Variants in CREB5 observed in about 807,000 individuals in gnomAD.
CREB5 encodes cyclic AMP-responsive element-binding protein 5.
Under a neutral mutation model 57.1 loss-of-function variants are expected in CREB5, and 19 were observed. The observed-to-expected ratio is 0.33, with a 90% confidence interval of 0.23 to 0.49. CREB5 has a LOEUF of 0.49. CREB5 is among the 20% of genes least tolerant of loss of function. CREB5 has a pLI of 0.99. For synonymous variants in CREB5, 238 were observed against 238.3 expected (o/e 1.00, Z 0.01); for missense variants, 579 against 671.6 (o/e 0.86, Z 1.52).
chr7:28,667,847 GA>G (rs1467212026), intron 5 of CREB5, among the ~76,000 whole-genome samples: 1 of 152,162 alleles, frequency 6.6e-6, no homozygotes, highest in Non-Finnish European at 1.5e-5. Context: ...AAATATGTTA[GA>G]CTGAAAAATA....
chr7:28,730,040 C>T (rs1328836836), intron 7 of CREB5, among the ~76,000 whole-genome samples: 5 of 152,170 alleles, frequency 3.3e-5, no homozygotes, highest in East Asian at 1.9e-4. Context: ...ACCTTAAAAG[C>T]GATTTTCCTT....
At chr7:28,446,060 T>C (rs1432807707) in intron 1 of CREB5, among the ~76,000 whole-genome samples, 2 of 152,220 alleles carry the variant, frequency 1.3e-5, no homozygotes, top group Admixed American at 1.3e-4. Flanking sequence ...TTTCCTGAAG[T>C]CAACTATACC....
At chr7:28,528,515 A>T (rs1344926614) in intron 4 of CREB5, among the ~76,000 whole-genome samples, 3 of 152,026 alleles carry the variant, frequency 2.0e-5, no homozygotes, top group Admixed American at 2.0e-4. Flanking sequence ...GACCAGCCTG[A>T]CCAACATGGA....
chr7:28,401,444 AG>A (rs1216441641), intron 1 of CREB5, among the ~76,000 whole-genome samples: 1 of 151,782 alleles, frequency 6.6e-6, no homozygotes, highest in Non-Finnish European at 1.5e-5. Context: ...TGTAAGTTCT[AG>A]GGTACAGGTA....
At chr7:28,640,131 C>T (rs190220781) in intron 5 of CREB5, among the ~76,000 whole-genome samples, 4 of 152,280 alleles carry the variant, frequency 2.6e-5, no homozygotes, top group Admixed American at 6.5e-5. Context: ...CTCAGATACT[C>T]TGCACTCTCA....
chr7:28,560,941 C>CGTGTGCGT (rs1562798011), intron 4 of CREB5, among the ~76,000 whole-genome samples: 1,541 of 44,404 alleles, frequency 0.035, 153 homozygotes, highest in Non-Finnish European at 0.045. Flanking sequence ...TGTGTGCGTG[C>CGTGTGCGT]GTGTGTGTGC....
chr7:28,490,526 A>G (rs895092418), intron 2 of CREB5, among the ~76,000 whole-genome samples: 2 of 152,230 alleles, frequency 1.3e-5, no homozygotes, highest in Admixed American at 6.5e-5. Context: ...TAGGTAAGTC[A>G]GAGAGAAGAG....
chr7:28,369,037 C>G (rs1053370589), intron 1 of CREB5, among the ~76,000 whole-genome samples: 3 of 150,830 alleles, frequency 2.0e-5, no homozygotes, highest in African/African-American at 7.3e-5. Flanking sequence ...AGAGTGAGAC[C>G]TTGCCTCAAA....
chr7:28,618,737 A>G (rs541143112), intron 5 of CREB5, among the ~76,000 whole-genome samples: 5 of 152,320 alleles, frequency 3.3e-5, no homozygotes, highest in African/African-American at 1.2e-4. Flanking sequence ...ACCCCTGGCT[A>G]GACAACACCC....
chr7:28,577,817 T>G (rs1795959692), intron 5 of CREB5, among the ~76,000 whole-genome samples: 1 of 152,240 alleles, frequency 6.6e-6, no homozygotes, highest in Non-Finnish European at 1.5e-5. Flanking sequence ...AACTACTTGG[T>G]AAGGTAACTT....
intron 9 of CREB5, among the ~76,000 whole-genome samples, chr7:28,816,274 T>C (rs1295385625): frequency 6.6e-6 from 1 of 152,166 alleles, no homozygotes; most frequent in African/African-American, 2.4e-5. Context: ...AAGAAGTTAG[T>C]GTTTAAGGCT....
chr7:28,529,699 C>T (rs1793638853), intron 4 of CREB5, among the ~76,000 whole-genome samples: 1 of 152,164 alleles, frequency 6.6e-6, no homozygotes, highest in Admixed American at 6.5e-5. Context: ...AGAAGGATTT[C>T]CAGAATAATT....
At chr7:28,669,919 C>T (rs1799963170) in intron 5 of CREB5, among the ~76,000 whole-genome samples, 1 of 152,222 alleles carries the variant, frequency 6.6e-6, no homozygotes, top group Non-Finnish European at 1.5e-5. Context: ...ACAAGGGGAG[C>T]CCCCGCTACC....
At chr7:28,713,344 G>A (rs1363839919) in intron 5 of CREB5, among the ~76,000 whole-genome samples, 1 of 152,224 alleles carries the variant, frequency 6.6e-6, no homozygotes, top group African/African-American at 2.4e-5. Context: ...CTTTGCATAA[G>A]CAAATACAAG....
intron 1 of CREB5, among the ~76,000 whole-genome samples, chr7:28,440,888 G>C (rs1220874943): frequency 1.3e-5 from 2 of 152,178 alleles, no homozygotes; most frequent in Non-Finnish European, 2.9e-5. Context: ...CAAGGAGATT[G>C]GCCACGGCCA....
chr7:28,613,648 C>G (rs1377658771), intron 5 of CREB5, among the ~76,000 whole-genome samples: 1 of 152,188 alleles, frequency 6.6e-6, no homozygotes, highest in Non-Finnish European at 1.5e-5. Flanking sequence ...TGCCCTGTGT[C>G]TCGTTTGAAA....
At chr7:28,563,339 GATTATCTCC>G (rs2128644206) in intron 4 of CREB5, among the ~76,000 whole-genome samples, 1 of 152,202 alleles carries the variant, frequency 6.6e-6, no homozygotes, top group South Asian at 2.1e-4. Flanking sequence ...TCCTTTCGAT[GATTATCTCC>G]ATTTTAAAGA....
At chr7:28,594,309 G>A (rs1035251807) in intron 5 of CREB5, among the ~76,000 whole-genome samples, 6 of 152,186 alleles carry the variant, frequency 3.9e-5, no homozygotes, top group African/African-American at 1.2e-4. Flanking sequence ...GTTATTGAGA[G>A]GGAGGAGTGG....
rs546375940 is a variant in CREB5 at position 28,558,241 on chromosome 7, C to T, written c.292-12124C>T. On this transcript the variant is annotated intron_variant, in intron 4 of 10. Coordinates refer to ENST00000357727, the MANE Select transcript of CREB5 (RefSeq NM_182898.4). ...AAGAAAAAAGAAATACTGTTAATGA[C>T]GACTAAGTTTGGTTGGAAGTAATGG... 3.9e-4 allele frequency among the ~76,000 whole-genome samples: 59 copies of T among 152,260 alleles called. 1 individual carries two copies. Among genetic ancestry groups the T allele is most frequent in the South Asian group, 2.7e-3 (13 of 4,826 alleles).
Sources: allele counts gnomAD v4.1 joint callset (sites outside exome capture counted in the v4.1 genomes callset), GRCh38; gene constraint gnomAD v4.1.1; transcripts MANE v1.5; gene names NCBI Gene and HGNC (gene_info 2026-07-23, HGNC 2026-07-21).